NRG2: variants seen among roughly 807,000 people sequenced by gnomAD.
The protein encoded by NRG2 is neuregulin 2.
NRG2 carries 27 observed loss-of-function variants against 73.9 expected under a neutral mutation model. That is an observed-to-expected ratio of 0.37 (90% CI 0.27 to 0.50). The LOEUF is 0.50. NRG2 is among the 20% of genes least tolerant of loss of function. The pLI, the probability that NRG2 is intolerant of heterozygous loss-of-function variation, is 0.96. For synonymous variants in NRG2, 532 were observed against 541.0 expected, an observed-to-expected ratio of 0.98 and a Z score of 0.23; for missense variants, 1,126 against 1,210.1, an observed-to-expected ratio of 0.93 and a Z score of 1.03.
chr5:139,903,212 C>G (rs1246715852), intron 1 of NRG2, among the ~76,000 whole-genome samples: 2 of 152,038 alleles, frequency 1.3e-5, no homozygotes, highest in Admixed American at 1.3e-4. Context: ...GGATAGAGAC[C>G]CAGCAAGTCT....
chr5:139,927,625 A>T (rs957585227), intron 1 of NRG2, among the ~76,000 whole-genome samples: 1 of 152,070 alleles, frequency 6.6e-6, no homozygotes, highest in African/African-American at 2.4e-5. Context: ...TTAGGTGGGC[A>T]TGGTGGTGCA....
chr5:139,864,318 C>T (rs1762334841), intron 5 of NRG2, among the ~76,000 whole-genome samples: 1 of 152,144 alleles, frequency 6.6e-6, no homozygotes, highest in East Asian at 1.9e-4. Context: ...AAAAGCACTC[C>T]ATAATTATGG....
intron 1 of NRG2, among the ~76,000 whole-genome samples, chr5:140,028,731 C>T (rs756122444): frequency 6.6e-6 from 1 of 151,996 alleles, no homozygotes; most frequent in Non-Finnish European, 1.5e-5. Context: ...ATTCTTTGAC[C>T]GTCCTTCCAC....
rs756281194 is a variant in NRG2, at chr5:140,042,946, C to CGCT, written c.121_123dup (p.Ser41dup). 1,731 of 1,532,826 alleles carry CGCT rather than the reference C, an allele frequency of 1.1e-3. 4 individuals carry two copies. The highest frequency in any genetic ancestry group is 3.5e-3 in the South Asian group (289 of 83,500). The allele number at this position is 1,532,826 out of a possible 1,614,324, so 95.0% of individuals were successfully genotyped here. A position where few individuals can be genotyped will look rare whatever the true frequency, so the allele number is the denominator to read the frequency against. On this transcript the variant is annotated inframe_insertion, in exon 1 of 10. Transcript: ENST00000361474. ...CTGCTCCTGCTGCTGCTGCCGCTCTCGCTGCTGCTGCTGCTGCTGCTGCTG... is the reference window on the plus strand; with the variant it reads ...CTGCTCCTGCTGCTGCTGCCGCTCTCGCTGCTGCTGCTGCTGCTGCTGCTGCTG...
chr5:139,986,643 A>T (rs1311630270), intron 1 of NRG2, among the ~76,000 whole-genome samples: 1 of 152,214 alleles, frequency 6.6e-6, no homozygotes, highest in East Asian at 1.9e-4. Flanking sequence ...CAACCTCTGC[A>T]GTGATGTTCT....
intron 4 of NRG2, among the ~76,000 whole-genome samples, chr5:139,871,371 G>A (rs1335202354): frequency 6.6e-6 from 1 of 152,184 alleles, no homozygotes; most frequent in African/African-American, 2.4e-5. Flanking sequence ...GGGGGAAAGA[G>A]AGACTGAGGG....
intron 4 of NRG2, chr5:139,871,151 G>C (rs549269283): frequency 3.0e-4 from 46 of 154,282 alleles, no homozygotes; most frequent in Admixed American, 5.1e-4. Flanking sequence ...ATGGGGTCCT[G>C]TAGGGCAGAA....
Position 139,904,337 on chromosome 5 carries a change from G to A in NRG2, c.701-16826C>T. 1.3e-6 allele frequency: 2 copies of A among 1,592,044 alleles called. No homozygotes were observed. Among genetic ancestry groups the A allele is most frequent in the South Asian group, 1.1e-5 (1 of 89,926 alleles). On this transcript the variant is annotated intron_variant, in intron 1 of 9. Coordinates refer to ENST00000361474, the MANE Select transcript of NRG2 (RefSeq NM_004883.3). This position sits in a 1 kb window ranked among gnomAD's most constrained non-coding sequence, Gnocchi z 6.0. ...TCCCCGGGATCGGGCTCCCTCTCCC[G>A]CTTCCTCCCCTCTGGGTGCTTCTTG...
rs533658514 is a variant in NRG2 at position 139,874,587 on chromosome 5, C to T, written c.992-2746G>A. Among the ~76,000 whole-genome samples the T allele has an allele frequency of 1.9e-4, 29 of 152,356 alleles. No individual in the cohort carries two copies. In the South Asian group the frequency reaches 5.8e-3, roughly 30 times the overall value. On this transcript the variant is annotated intron_variant, in intron 3 of 9. Transcript: ENST00000361474. ...CTTTCTTTGATGGCCACAATAGCTT[C>T]CTCTCTGGTCTTTCTGCCTTCACTC...
intron 1 of NRG2, among the ~76,000 whole-genome samples, chr5:139,892,321 G>A (rs936662420): frequency 6.6e-6 from 1 of 152,182 alleles, no homozygotes; most frequent in Non-Finnish European, 1.5e-5. Context: ...GGTGTGCTGG[G>A]AAGGCATTAG....
chr5:139,949,883 T>C (rs1415084742), intron 1 of NRG2, among the ~76,000 whole-genome samples: 1 of 152,194 alleles, frequency 6.6e-6, no homozygotes, highest in Non-Finnish European at 1.5e-5. Context: ...CCTCAAAGCT[T>C]GGCAGGGGGC....
intron 1 of NRG2, among the ~76,000 whole-genome samples, chr5:139,974,791 C>T (rs950782452): frequency 1.7e-4 from 26 of 152,198 alleles, no homozygotes; most frequent in African/African-American, 5.8e-4. Context: ...GACAGCAACT[C>T]TGCAACGTGG....
At chr5:140,036,614 T>C (rs781755208) in intron 1 of NRG2, among the ~76,000 whole-genome samples, 25 of 152,254 alleles carry the variant, frequency 1.6e-4, no homozygotes, top group Admixed American at 6.5e-5. Context: ...TTGAAATTCA[T>C]AAACTGGACT....
chr5:139,904,215 C>G lies in NRG2; in HGVS notation c.701-16704G>C. On this transcript the variant is annotated intron_variant, in intron 1 of 9. Transcript: ENST00000361474. This position sits in a 1 kb window ranked among gnomAD's most constrained non-coding sequence, Gnocchi z 6.0. ...TCACCGCGGCGGCCGCTAGCGCAGCCTAGACTCACCCGCGCTGCGCTGGGG... is the reference window on the plus strand; with the variant it reads ...TCACCGCGGCGGCCGCTAGCGCAGCGTAGACTCACCCGCGCTGCGCTGGGG... 1 of 1,411,900 alleles carries G rather than the reference C, an allele frequency of 7.1e-7. No homozygotes were observed. Among genetic ancestry groups the G allele is most frequent in the Non-Finnish European group, 9.4e-7 (1 of 1,062,442 alleles). The allele number at this position is 1,411,900 out of a possible 1,614,324, so 87.5% of individuals were successfully genotyped here. A position where few individuals can be genotyped will look rare whatever the true frequency, so the allele number is the denominator to read the frequency against.
intron 1 of NRG2, among the ~76,000 whole-genome samples, chr5:139,918,211 T>C (rs918938446): frequency 2.0e-5 from 3 of 152,160 alleles, no homozygotes; most frequent in African/African-American, 7.2e-5. Flanking sequence ...ACCACTGAGT[T>C]AGAGGATATA....
intron 1 of NRG2, among the ~76,000 whole-genome samples, chr5:139,919,460 G>C (rs1445896285): frequency 6.6e-6 from 1 of 152,124 alleles, no homozygotes; most frequent in Non-Finnish European, 1.5e-5. Flanking sequence ...ACACATCTTA[G>C]CCCTCATGGG....
chr5:139,873,995 G>A (rs189100354), intron 3 of NRG2, among the ~76,000 whole-genome samples: 1 of 152,342 alleles, frequency 6.6e-6, no homozygotes, highest in African/African-American at 2.4e-5. Flanking sequence ...GACATTTGGG[G>A]AGCCAGTCAC....
intron 1 of NRG2, among the ~76,000 whole-genome samples, chr5:139,963,561 C>A (rs1755243708): frequency 6.6e-6 from 1 of 152,164 alleles, no homozygotes; most frequent in Non-Finnish European, 1.5e-5. Flanking sequence ...ATATAGGTAC[C>A]ATTTATTCTT....
chr5:140,016,386 C>T (rs946818540), intron 1 of NRG2, among the ~76,000 whole-genome samples: 1 of 152,174 alleles, frequency 6.6e-6, no homozygotes, highest in Admixed American at 6.5e-5. Flanking sequence ...TTATTGACCT[C>T]TCTAAATCAA....
Sources: gnomAD v4.1 joint callset for allele counts (sites outside exome capture counted in the v4.1 genomes callset) on GRCh38, gnomAD v4.1.1 for gene constraint, Gnocchi (gnomAD v3.1) non-coding constraint, MANE v1.5 for transcripts, NCBI Gene and HGNC (gene_info 2026-07-23, HGNC 2026-07-21) for gene names.